DLGAP4: variants seen among roughly 807,000 people sequenced by gnomAD.
DLGAP4 encodes disks large-associated protein 4.
In DLGAP4, 18 loss-of-function variants were observed where a neutral mutation model predicts 86.9. The ratio of observed to expected loss-of-function variants is 0.21; its 90% CI spans 0.14 to 0.31. DLGAP4 has a LOEUF of 0.31. DLGAP4 is among the 10% of genes least tolerant of loss of function. The pLI is 1.00. For missense variants in DLGAP4, 1,085 were observed against 1,362.6 expected (o/e 0.80, Z 3.21); for synonymous variants, 548 against 574.3 (o/e 0.95, Z 0.65).
intron 7 of DLGAP4, among the ~76,000 whole-genome samples, chr20:36,491,468 A>G (rs1040573236): frequency 6.6e-6 from 1 of 152,094 alleles, no homozygotes; most frequent in African/African-American, 2.4e-5. Flanking sequence ...CATGCAGCCC[A>G]TGGGGATGGG....
At chr20:36,459,930 C>T (rs1427958861) in intron 7 of DLGAP4, among the ~76,000 whole-genome samples, 1 of 152,176 alleles carries the variant, frequency 6.6e-6, no homozygotes, top group Non-Finnish European at 1.5e-5. Flanking sequence ...TCAGTTGGTG[C>T]CCCCAGTGAT....
chr20:36,402,836 G>A (rs933629441), intron 2 of DLGAP4, among the ~76,000 whole-genome samples: 4 of 152,148 alleles, frequency 2.6e-5, no homozygotes, highest in Non-Finnish European at 4.4e-5. Context: ...GCTCAGAGAG[G>A]GGAAGCAACA....
chr20:36,341,487 A>G (rs1366713901), intron 1 of DLGAP4, among the ~76,000 whole-genome samples: 3 of 152,242 alleles, frequency 2.0e-5, no homozygotes, highest in African/African-American at 2.4e-5. Context: ...ACCGTGTGCC[A>G]GGCACCATGC....
intron 2 of DLGAP4, among the ~76,000 whole-genome samples, chr20:36,390,440 A>C (rs1481696037): frequency 6.6e-6 from 1 of 152,124 alleles, no homozygotes; most frequent in African/African-American, 2.4e-5. Context: ...CCTTACCCTG[A>C]CTACAGCTTC....
At chr20:36,380,307 G>A (rs1275516304) in intron 2 of DLGAP4, among the ~76,000 whole-genome samples, 3 of 152,066 alleles carry the variant, frequency 2.0e-5, no homozygotes, top group Non-Finnish European at 2.9e-5. Context: ...CTACCTGGGG[G>A]GCTGAAATGG....
At chr20:36,497,280 A>G (rs1232138851) in intron 8 of DLGAP4, 30 of 985,386 alleles carry the variant, frequency 3.0e-5, no homozygotes, top group Middle Eastern at 5.2e-4. Context: ...AGCTGTGGGC[A>G]TGTGTTTCTG....
intron 7 of DLGAP4, chr20:36,462,606 G>A (rs1478459355): frequency 3.1e-6 from 5 of 1,594,912 alleles, no homozygotes; most frequent in Non-Finnish European, 4.3e-6. Context: ...CAATGTGAGT[G>A]GTGGGGTGTC....
intron 7 of DLGAP4, among the ~76,000 whole-genome samples, chr20:36,462,974 T>G (rs2034168074): frequency 6.9e-6 from 1 of 144,532 alleles, no homozygotes; most frequent in South Asian, 2.3e-4. Flanking sequence ...GGGGCTGCGT[T>G]CTTGCCAGCT....
At chr20:36,369,947 A>C (rs2030858236) in intron 2 of DLGAP4, among the ~76,000 whole-genome samples, 1 of 152,146 alleles carries the variant, frequency 6.6e-6, no homozygotes. Context: ...TGGAGAGGTA[A>C]AACTACTTGT....
At chr20:36,334,912 C>T (rs1220270466) in intron 1 of DLGAP4, among the ~76,000 whole-genome samples, 1 of 152,154 alleles carries the variant, frequency 6.6e-6, no homozygotes, top group Non-Finnish European at 1.5e-5. Flanking sequence ...TCATGCCTCC[C>T]GCCTGAGCCC....
chr20:36,517,526 C>T (rs1198486185), intron 10 of DLGAP4, among the ~76,000 whole-genome samples: 1 of 152,080 alleles, frequency 6.6e-6, no homozygotes, highest in African/African-American at 2.4e-5. Flanking sequence ...CTCAGCCTCC[C>T]AAAGTGCTGG....
At position 36,432,403 on chromosome 20, in the gene DLGAP4, C is replaced by T; in HGVS notation, c.686C>T (p.Thr229Ile). The change falls in exon 3 of 13, where the codon ACA (threonine) becomes ATA (isoleucine). Residue 229 changes from threonine (T) to isoleucine (I), a missense_variant. Thr to Ile is a moderately conservative substitution (Grantham distance 89). Around this residue, in one of 2 missense-constraint regions of DLGAP4, gnomAD observed 1,082 missense variants for 1,344.1 expected, o/e 0.81. Coordinates refer to ENST00000339266, the MANE Select transcript of DLGAP4 (RefSeq NM_001365621.2). This position sits in a 1 kb window ranked among gnomAD's most constrained non-coding sequence, Gnocchi z 6.5. ...RSSGPASGLM[T>I]LGRQAERSQP... ...AGTGGCCCAGCCTCTGGGCTGATGACACTAGGCCGCCAGGCAGAACGCAGC... is the reference window on the plus strand; with the variant it reads ...AGTGGCCCAGCCTCTGGGCTGATGATACTAGGCCGCCAGGCAGAACGCAGC... 6.2e-7 allele frequency: 1 copy of T among 1,613,738 alleles called. No homozygotes were observed.
chr20:36,438,077 T>A lies in DLGAP4; in HGVS notation c.1242-1677T>A, dbSNP rs564136868. The stretch of plus-strand genomic sequence containing the variant: ...GGCCACCATGCCCAGCTAATTTTTT[T>A]AAATAATTTTTTGTGACCAGGTGCA... On this transcript the variant is annotated intron_variant, in intron 4 of 12. Coordinates refer to ENST00000339266, the MANE Select transcript of DLGAP4 (RefSeq NM_001365621.2). 2.6e-3 allele frequency among the ~76,000 whole-genome samples: 393 copies of A among 152,274 alleles called. 2 individuals are homozygous for A. Among genetic ancestry groups the A allele is most frequent in the Non-Finnish European group, 3.6e-3 (246 of 68,024 alleles).
chr20:36,461,742 C>CGTCG, intron 7 of DLGAP4: 1 of 909,064 alleles, frequency 1.1e-6, no homozygotes, highest in Non-Finnish European at 1.3e-6. Flanking sequence ...TCCGTCCGTC[C>CGTCG]GTCCGTCCGC....
intron 1 of DLGAP4, among the ~76,000 whole-genome samples, chr20:36,344,677 T>G (rs6101345): frequency 6.6e-6 from 1 of 152,048 alleles, no homozygotes; most frequent in African/African-American, 2.4e-5. Context: ...CAGGGGAACC[T>G]GGTCTTGGGA....
chr20:36,382,533 T>C lies in DLGAP4; in HGVS notation c.-73+15258T>C, dbSNP rs544043125. Among the ~76,000 whole-genome samples, 94 of 137,002 alleles carry C rather than the reference T, an allele frequency of 6.9e-4. 1 individual carries two copies. In the South Asian group the frequency reaches 0.012, roughly 18 times the overall value. 89.9% of individuals were successfully genotyped at this position (137,002 alleles called of 152,430 possible). A position where few individuals can be genotyped will look rare whatever the true frequency, so the allele number is the denominator to read the frequency against. The stretch of plus-strand genomic sequence containing the variant: ...TTTCTTTCTTTCTTTTTTTCTTTTT[T>C]TTTTTTTTTTTTTTGAGACAGAGTC... On this transcript the variant is annotated intron_variant, in intron 2 of 12. Transcript: ENST00000339266.
chr20:36,471,160 C>T (rs1463074309), intron 7 of DLGAP4, among the ~76,000 whole-genome samples: 1 of 152,182 alleles, frequency 6.6e-6, no homozygotes, highest in African/African-American at 2.4e-5. Context: ...GCTGCACCTG[C>T]TTAGCAACGG....
intron 1 of DLGAP4, among the ~76,000 whole-genome samples, chr20:36,356,700 A>C (rs2030341802): frequency 1.3e-5 from 2 of 152,000 alleles, no homozygotes; most frequent in African/African-American, 4.8e-5. Flanking sequence ...AAAAGTTAGA[A>C]CACGCCACTT....
rs781640112 is a variant in DLGAP4 at position 36,439,765 on chromosome 20, G to T, written c.1253G>T (p.Arg418Leu). Residue 418 changes from arginine to leucine, a missense_variant, in exon 5 of 13, where the codon CGC (arginine) becomes CTC (leucine). Around this residue, in one of 2 missense-constraint regions of DLGAP4, gnomAD observed 1,082 missense variants for 1,344.1 expected, o/e 0.81. Coordinates refer to ENST00000339266, the MANE Select transcript of DLGAP4 (RefSeq NM_001365621.2). ...EQSNPRRSLD[R>L]LDSVDMLLPS... ...CCACTCCCCACCAGGAGTCTGGACC[G>T]CCTGGATTCAGTGGACATGCTGCTG... 4 of 1,613,086 alleles carry T rather than the reference G, an allele frequency of 2.5e-6. No homozygotes were observed. Among genetic ancestry groups the T allele is most frequent in the South Asian group, 1.1e-5 (1 of 91,006 alleles).
Sources: gnomAD v4.1 joint callset for allele counts (sites outside exome capture counted in the v4.1 genomes callset) on GRCh38, gnomAD v4.1.1 for gene constraint, gnomAD v4.1.1 regional missense constraint, Gnocchi (gnomAD v3.1) non-coding constraint, MANE v1.5 for transcripts, NCBI Gene and HGNC (gene_info 2026-07-23, HGNC 2026-07-21) for gene names.